Variants in ZFHX3 observed in about 807,000 individuals in gnomAD.
ZFHX3 encodes zinc finger homeobox 3.
A neutral mutation model predicts 279.1 loss-of-function variants in ZFHX3; 42 were observed. That is an observed-to-expected ratio of 0.15 (90% CI 0.12 to 0.19). The LOEUF (loss-of-function observed/expected upper bound fraction) is 0.19, where lower values mean the gene tolerates loss of function less well. Among genes scored for constraint, ZFHX3 ranks in the 10% least tolerant of loss-of-function variants. The pLI, the probability that ZFHX3 is intolerant of heterozygous loss-of-function variation, is 1.00. For missense variants in ZFHX3, 4,981 were observed against 4,754.0 expected (o/e 1.05, Z -1.40); for synonymous variants, 2,293 against 1,957.8 (o/e 1.17, Z -4.52).
chr16:73,290,578 G>T (rs758529475), intron 4 of ZFHX3, among the ~76,000 whole-genome samples: 13 of 152,318 alleles, frequency 8.5e-5, no homozygotes, highest in Admixed American at 2.6e-4. Flanking sequence ...GGACAGGGAA[G>T]AGAGGTGGAA....
At chr16:73,169,406 A>G (rs139036429) in intron 5 of ZFHX3, among the ~76,000 whole-genome samples, 1 of 152,132 alleles carries the variant, frequency 6.6e-6, no homozygotes, top group Non-Finnish European at 1.5e-5. Context: ...GTCATATCTC[A>G]TGGTATGACC....
At chr16:73,684,023 G>C (rs912536327) in intron 1 of ZFHX3, among the ~76,000 whole-genome samples, 4 of 152,206 alleles carry the variant, frequency 2.6e-5, no homozygotes, top group African/African-American at 7.2e-5. Flanking sequence ...GCCAGGCACA[G>C]TGGCTCATGC....
intron 2 of ZFHX3, among the ~76,000 whole-genome samples, chr16:73,617,592 A>G (rs953164400): frequency 6.6e-6 from 1 of 152,230 alleles, no homozygotes; most frequent in Non-Finnish European, 1.5e-5. Flanking sequence ...ATGCCTAAAA[A>G]TTGTTTCTTT....
chr16:72,930,523 C>T (rs750563306), intron 3 of ZFHX3, among the ~76,000 whole-genome samples: 13 of 151,918 alleles, frequency 8.6e-5, no homozygotes, highest in Non-Finnish European at 1.9e-4. Flanking sequence ...TCCTAAGACC[C>T]GAAATGATCT....
chr16:73,228,960 C>A (rs2012688682), intron 5 of ZFHX3, among the ~76,000 whole-genome samples: 1 of 152,086 alleles, frequency 6.6e-6, no homozygotes. Context: ...ACTACAACTC[C>A]AGAACTGATG....
intron 3 of ZFHX3, among the ~76,000 whole-genome samples, chr16:73,453,339 G>C (rs375704591): frequency 1.1e-4 from 17 of 152,320 alleles, no homozygotes; most frequent in African/African-American, 3.1e-4. Flanking sequence ...ATTGGATGTG[G>C]AAGAGGTGAC....
intron 1 of ZFHX3, among the ~76,000 whole-genome samples, chr16:73,719,548 C>T (rs2053452871): frequency 6.6e-6 from 1 of 152,128 alleles, no homozygotes. Flanking sequence ...TACAATTACA[C>T]CAAGAATGAT....
At chr16:72,897,030 C>A (rs1471903772) in intron 3 of ZFHX3, among the ~76,000 whole-genome samples, 1 of 152,222 alleles carries the variant, frequency 6.6e-6, no homozygotes, top group Non-Finnish European at 1.5e-5. Context: ...GGGGGCTATT[C>A]CAGGAGATGC....
In ZFHX3 at chr16:72,959,989, G is replaced by A; in HGVS notation, c.157C>T (p.Leu53=). Residue 53 remains leucine, a synonymous_variant, in exon 2 of 10, where the codon CTG becomes TTG. Coordinates refer to ENST00000268489, the MANE Select transcript of ZFHX3 (RefSeq NM_006885.4). ...AGGCGCTCATTGAAGGGGGCCCTCA[G>A]GCTGTCCAAGGGCCCGTGGCTCTCG... ...TGESHGPLDS[L]RAPFNERLAE... 6.2e-7 allele frequency: 1 copy of A among 1,613,414 alleles called. No individual in the cohort carries two copies. Among genetic ancestry groups the A allele is most frequent in the Non-Finnish European group, 8.5e-7 (1 of 1,179,574 alleles).
At chr16:73,521,970 T>A (rs2019615332) in intron 2 of ZFHX3, among the ~76,000 whole-genome samples, 1 of 152,174 alleles carries the variant, frequency 6.6e-6, no homozygotes, top group Admixed American at 6.5e-5. Flanking sequence ...AATGTCAACT[T>A]CCGTTCCCTT....
intron 4 of ZFHX3, among the ~76,000 whole-genome samples, chr16:72,848,939 G>A (rs2037545217): frequency 6.6e-6 from 1 of 152,148 alleles, no homozygotes; most frequent in Non-Finnish European, 1.5e-5. Context: ...GGGCTGCCAG[G>A]TTATGCTTGG....
At chr16:73,855,998 G>T (rs1305737102) in intron 1 of ZFHX3, among the ~76,000 whole-genome samples, 7 of 152,160 alleles carry the variant, frequency 4.6e-5, no homozygotes, top group African/African-American at 1.7e-4. Context: ...AAATTATGGT[G>T]CATCCATGCT....
At chr16:73,685,975 A>G (rs1476559683) in intron 1 of ZFHX3, among the ~76,000 whole-genome samples, 1 of 152,244 alleles carries the variant, frequency 6.6e-6, no homozygotes, top group African/African-American at 2.4e-5. Flanking sequence ...GTGTTCATGT[A>G]TGTGTAGGAA....
chr16:73,823,508 G>T (rs1166414418), intron 1 of ZFHX3, among the ~76,000 whole-genome samples: 1 of 152,216 alleles, frequency 6.6e-6, no homozygotes, highest in Non-Finnish European at 1.5e-5. Context: ...GCAAGAAGGA[G>T]GTCGACTCTG....
chr16:73,603,772 C>T (rs1267862442), intron 2 of ZFHX3, among the ~76,000 whole-genome samples: 1 of 105,502 alleles, frequency 9.5e-6, no homozygotes, highest in African/African-American at 3.6e-5. Flanking sequence ...AAAAAATACG[C>T]TTTTTTTTTT....
chr16:73,130,016 A>G (rs28716863), intron 7 of ZFHX3, among the ~76,000 whole-genome samples: 2,368 of 152,308 alleles, frequency 0.016, 68 homozygotes, highest in African/African-American at 0.054. Flanking sequence ...CCAGAATTCC[A>G]GAATGCAGAG....
At chr16:73,045,052 G>A (rs1567648502) in intron 1 of ZFHX3, among the ~76,000 whole-genome samples, 1 of 152,148 alleles carries the variant, frequency 6.6e-6, no homozygotes, top group Non-Finnish European at 1.5e-5. Flanking sequence ...TTACAACTCT[G>A]CAATAAAAAT....
At chr16:73,774,126 T>C (rs900586925) in intron 1 of ZFHX3, among the ~76,000 whole-genome samples, 17 of 150,736 alleles carry the variant, frequency 1.1e-4, no homozygotes, top group African/African-American at 4.0e-4. Context: ...CAATATACTG[T>C]CTCTAAAAAA....
At chr16:73,689,186 A>G (rs926296382) in intron 1 of ZFHX3, among the ~76,000 whole-genome samples, 3 of 152,354 alleles carry the variant, frequency 2.0e-5, no homozygotes, top group Middle Eastern at 3.4e-3. Flanking sequence ...ACGTCTTTCA[A>G]TTCAAAATAT....
Sources: gnomAD v4.1 joint callset for allele counts (sites outside exome capture counted in the v4.1 genomes callset) on GRCh38, gnomAD v4.1.1 for gene constraint, MANE v1.5 for transcripts, NCBI Gene and HGNC (gene_info 2026-07-23, HGNC 2026-07-21) for gene names.